The following ARB2A variants were observed in gnomAD, a reference collection of about 807,000 sequenced individuals.
ARB2A encodes the protein cotranscriptional regulator ARB2A.
the ARB2A span, among the ~76,000 whole-genome samples, chr5:93,774,887 G>A: frequency 6.6e-6 from 1 of 152,164 alleles, no homozygotes; most frequent in African/African-American, 2.4e-5. Flanking sequence ...AAGCTCACAG[G>A]AACCTGGCCT....
chr5:93,790,045 G>A, the ARB2A span, among the ~76,000 whole-genome samples: 2 of 152,172 alleles, frequency 1.3e-5, no homozygotes, highest in African/African-American at 4.8e-5. Flanking sequence ...GAAGTTAAGT[G>A]CAATAGTTAA....
At chr5:94,103,411 A>C in the ARB2A span, among the ~76,000 whole-genome samples, 3 of 152,102 alleles carry the variant, frequency 2.0e-5, no homozygotes, top group East Asian at 1.9e-4. Context: ...ATAATCAAAA[A>C]GGACTAAGAA....
At chr5:93,968,364 T>C in the ARB2A span, among the ~76,000 whole-genome samples, 1 of 152,012 alleles carries the variant, frequency 6.6e-6, no homozygotes, top group Non-Finnish European at 1.5e-5. Flanking sequence ...AGGAGAAACA[T>C]GGAAACCAAG....
At chr5:93,997,984 CAT>C in the ARB2A span, among the ~76,000 whole-genome samples, 2 of 151,724 alleles carry the variant, frequency 1.3e-5, no homozygotes, top group East Asian at 3.9e-4. Flanking sequence ...ATTCCCATAG[CAT>C]ATGTGTGTCT....
the ARB2A span, among the ~76,000 whole-genome samples, chr5:93,847,844 G>T: frequency 6.6e-6 from 1 of 152,192 alleles, no homozygotes; most frequent in African/African-American, 2.4e-5. Context: ...TGGGAAGTCT[G>T]AATTAAAAAT....
the ARB2A span, among the ~76,000 whole-genome samples, chr5:94,037,158 A>G: frequency 1.3e-5 from 2 of 152,144 alleles, no homozygotes; most frequent in Admixed American, 1.3e-4. Context: ...TATAAATACT[A>G]TATTTTTAAA....
the ARB2A span, among the ~76,000 whole-genome samples, chr5:93,741,988 G>A: frequency 6.6e-6 from 1 of 152,062 alleles, no homozygotes; most frequent in African/African-American, 2.4e-5. Flanking sequence ...ATATTGCTGG[G>A]ACGACCCCTC....
chr5:93,950,263 A>AT, the ARB2A span, among the ~76,000 whole-genome samples: 27 of 152,006 alleles, frequency 1.8e-4, no homozygotes, highest in Non-Finnish European at 3.4e-4. Flanking sequence ...ACACAAATCT[A>AT]TTTTTTTCAT....
chr5:94,053,284 G>T, the ARB2A span: 3 of 939,228 alleles, frequency 3.2e-6, no homozygotes, highest in Non-Finnish European at 3.2e-6. Context: ...TTGTAACAAA[G>T]ATTTTAATTT....
chr5:93,712,259 A>C, the ARB2A span, among the ~76,000 whole-genome samples: 3 of 152,176 alleles, frequency 2.0e-5, no homozygotes, highest in African/African-American at 7.2e-5. Flanking sequence ...AAACAAAACA[A>C]AACAAAAAAC....
the ARB2A span, among the ~76,000 whole-genome samples, chr5:93,768,400 T>C: frequency 1.3e-5 from 2 of 150,300 alleles, no homozygotes; most frequent in Admixed American, 6.6e-5. Context: ...AAGAAAACAC[T>C]CTAAATAAAA....
At chr5:93,936,195 CA>C in the ARB2A span, among the ~76,000 whole-genome samples, 2 of 152,042 alleles carry the variant, frequency 1.3e-5, no homozygotes, top group African/African-American at 4.8e-5. Context: ...TGTTCTTTCT[CA>C]AAACTACAGA....
chr5:93,918,139 G>T, the ARB2A span, among the ~76,000 whole-genome samples: 1 of 152,046 alleles, frequency 6.6e-6, no homozygotes, highest in Non-Finnish European at 1.5e-5. Context: ...TTAAATACCT[G>T]TTTTCTCAAA....
the ARB2A span, among the ~76,000 whole-genome samples, chr5:93,812,395 G>A: frequency 2.0e-5 from 3 of 152,092 alleles, no homozygotes; most frequent in East Asian, 5.8e-4. Context: ...ATTTGATGGA[G>A]AAAGTCAAGT....
At chr5:93,820,490 T>C in the ARB2A span, among the ~76,000 whole-genome samples, 1 of 152,224 alleles carries the variant, frequency 6.6e-6, no homozygotes, top group South Asian at 2.1e-4. Flanking sequence ...TTTCAAAAAA[T>C]GAGCCTGAAT....
the ARB2A span, among the ~76,000 whole-genome samples, chr5:93,705,608 A>AAT: frequency 9.3e-5 from 11 of 118,500 alleles, no homozygotes; most frequent in Non-Finnish European, 2.1e-4. Flanking sequence ...ATTGGGAAAA[A>AAT]ATGTGTGTGT....
At chr5:93,805,675 A>C in the ARB2A span, 1 of 985,192 alleles carries the variant, frequency 1.0e-6, no homozygotes, top group South Asian at 4.7e-5. Context: ...TTTAAGGGGA[A>C]GAAATACAGC....
the ARB2A span, among the ~76,000 whole-genome samples, chr5:93,650,564 A>G: frequency 6.6e-6 from 1 of 152,190 alleles, no homozygotes; most frequent in Admixed American, 6.5e-5. Context: ...TTGGAGTCCC[A>G]GAGTAGAGAA....
the ARB2A span, among the ~76,000 whole-genome samples, chr5:93,850,756 C>A: frequency 7.2e-5 from 11 of 151,988 alleles, no homozygotes; most frequent in Non-Finnish European, 1.5e-4. Flanking sequence ...AAGATTAATA[C>A]CATATATATT....
Sources: allele counts gnomAD v4.1 joint callset (sites outside exome capture counted in the v4.1 genomes callset), GRCh38; gene constraint gnomAD v4.1.1; transcripts MANE v1.5; gene names NCBI Gene and HGNC (gene_info 2026-07-23, HGNC 2026-07-21).